Variants in ARL15 observed in about 807,000 individuals in gnomAD.
The protein encoded by ARL15 is ADP-ribosylation factor-like protein 15.
ARL15 carries 19 observed loss-of-function variants against 25.2 expected under a neutral mutation model. The ratio of observed to expected loss-of-function variants is 0.75; its 90% CI spans 0.53 to 1.10. ARL15 has a LOEUF of 1.10. Among genes scored for constraint, ARL15 ranks in the 50% least tolerant of loss-of-function variants. The probability of loss-of-function intolerance (pLI) is 0.00; values close to 1 mark genes in which losing one functional copy is unlikely to be tolerated. For missense variants in ARL15, 220 were observed against 246.0 expected (o/e 0.89, Z 0.71); for synonymous variants, 94 against 86.8 (o/e 1.08, Z -0.46).
rs181551123 is a variant in ARL15, at chr5:54,138,436, T to C, written c.253+16144A>G. ...TAAATTGAGAAAAGGACATCTTATT[T>C]AATAAACGGTGCTGGAAAACAAGAT... On this transcript the variant is annotated intron_variant, in intron 3 of 4. Coordinates refer to ENST00000504924, the MANE Select transcript of ARL15 (RefSeq NM_019087.3). 1.9e-3 allele frequency among the ~76,000 whole-genome samples: 286 copies of C among 152,288 alleles called. 2 individuals carry two copies. The highest frequency in any genetic ancestry group is 8.2e-3 in the Admixed American group (125 of 15,294).
intron 4 of ARL15, among the ~76,000 whole-genome samples, chr5:54,028,320 A>G (rs1397981805): frequency 1.3e-5 from 2 of 152,118 alleles, no homozygotes; most frequent in Non-Finnish European, 2.9e-5. Context: ...ATTATTTTCA[A>G]TCTGCCCCAC....
Position 54,217,559 on chromosome 5 carries a change from A to C in ARL15, c.49-45631T>G, listed in dbSNP as rs182979648. ...AACTGTAGAGATATTAGCTTTCTTC[A>C]TCTACAAGTTAGTTGTATATGCCAA... On this transcript the variant is annotated intron_variant, in intron 1 of 4. Coordinates refer to ENST00000504924, the MANE Select transcript of ARL15 (RefSeq NM_019087.3). Among the ~76,000 whole-genome samples the C allele has an allele frequency of 2.6e-5, 4 of 152,304 alleles. No homozygotes were observed. In the East Asian group the frequency reaches 7.7e-4, roughly 29 times the overall value.
chr5:54,181,042 A>G (rs997546003), intron 1 of ARL15, among the ~76,000 whole-genome samples: 19 of 152,190 alleles, frequency 1.2e-4, no homozygotes, highest in Non-Finnish European at 1.2e-4. Context: ...AGATGAACCA[A>G]AAGTGAGATT....
chr5:54,300,525 T>A (rs561123055), intron 1 of ARL15, among the ~76,000 whole-genome samples: 6 of 152,330 alleles, frequency 3.9e-5, no homozygotes, highest in Non-Finnish European at 8.8e-5. Flanking sequence ...CAAACCCCGA[T>A]TCACGAGTAA....
At chr5:53,912,229 C>T (rs1373069072) in intron 4 of ARL15, 1 of 151,950 alleles carries the variant, frequency 6.6e-6, no homozygotes, top group Non-Finnish European at 1.5e-5. Context: ...GCTAGGACAC[C>T]GAAGCTTAGA....
At position 54,158,935 on chromosome 5, in the gene ARL15, C is replaced by T. The variant is rs190180529; in HGVS notation, c.194-4296G>A. On this transcript the variant is annotated intron_variant, in intron 2 of 4. Coordinates refer to ENST00000504924, the MANE Select transcript of ARL15 (RefSeq NM_019087.3). ...CAGGTCTCATCACCAGAGCCCTACA[C>T]TACACTGTAGTGTCTCCTCCATATA... Among the ~76,000 whole-genome samples, 213 of 152,274 alleles carry T rather than the reference C, an allele frequency of 1.4e-3. 2 individuals carry two copies. Among genetic ancestry groups the T allele is most frequent in the Admixed American group, 7.4e-3 (114 of 15,312 alleles).
chr5:53,945,582 G>A (rs1286554223), intron 4 of ARL15, among the ~76,000 whole-genome samples: 1 of 152,018 alleles, frequency 6.6e-6, no homozygotes, highest in East Asian at 1.9e-4. Context: ...ACATTTGAAT[G>A]AAAATTCCAA....
intron 4 of ARL15, among the ~76,000 whole-genome samples, chr5:54,081,755 C>G (rs942404398): frequency 2.6e-5 from 4 of 152,158 alleles, no homozygotes; most frequent in African/African-American, 9.7e-5. Context: ...AATTAAACCT[C>G]TTTCCTTTAT....
rs1579884575 is a variant in ARL15 at position 54,183,705 on chromosome 5, A to T, written c.49-11777T>A. Among the ~76,000 whole-genome samples, 3 of 149,322 alleles carry T rather than the reference A, an allele frequency of 2.0e-5. No individual in the cohort carries two copies. In the East Asian group the frequency reaches 6.1e-4, roughly 30 times the overall value. On this transcript the variant is annotated intron_variant, in intron 1 of 4. Transcript: ENST00000504924. Reference sequence around the variant, plus strand: ...AAGTCAGTGTGGCGATACCTCAGGGATCTAGAACTAGAAATACCATTTGAC... The same window carrying T: ...AAGTCAGTGTGGCGATACCTCAGGGTTCTAGAACTAGAAATACCATTTGAC...
chr5:54,292,107 C>T (rs539561475), intron 1 of ARL15, among the ~76,000 whole-genome samples: 11 of 152,288 alleles, frequency 7.2e-5, no homozygotes, highest in African/African-American at 2.4e-4. Context: ...ACTTTTGTCC[C>T]CAGGGACTCA....
intron 2 of ARL15, among the ~76,000 whole-genome samples, chr5:54,164,315 T>G (rs751798699): frequency 6.6e-6 from 1 of 152,092 alleles, no homozygotes; most frequent in Non-Finnish European, 1.5e-5. Flanking sequence ...AAATATTCTA[T>G]GTGTACTTGA....
chr5:54,175,452 G>A (rs1447471788), intron 1 of ARL15, among the ~76,000 whole-genome samples: 1 of 151,316 alleles, frequency 6.6e-6, no homozygotes, highest in African/African-American at 2.4e-5. Context: ...CTCGTGCCTC[G>A]GCTTCCTGAG....
rs781683502 is a variant in ARL15, at chr5:54,310,525, A to AT, written c.-47_-46insA. 7.0e-6 allele frequency: 11 copies of AT among 1,567,980 alleles called. No individual in the cohort carries two copies. Among genetic ancestry groups the AT allele is most frequent in the Non-Finnish European group, 8.6e-6 (10 of 1,157,718 alleles). Reference sequence around the variant, plus strand: ...GAACGGCTCCGAACCCGGAAAAAAAAAGCAGCGTCTCTGGCTGCGAGCGAG... The same window carrying AT: ...GAACGGCTCCGAACCCGGAAAAAAAATAGCAGCGTCTCTGGCTGCGAGCGAG... On this transcript the variant is annotated 5_prime_UTR_variant, in exon 1 of 5. Coordinates refer to ENST00000504924, the MANE Select transcript of ARL15 (RefSeq NM_019087.3).
At chr5:54,077,703 C>T (rs568451596) in intron 4 of ARL15, among the ~76,000 whole-genome samples, 26 of 152,244 alleles carry the variant, frequency 1.7e-4, no homozygotes, top group African/African-American at 5.3e-4. Flanking sequence ...ATAGGTAAGT[C>T]GCGTCAGTCT....
chr5:54,234,267 A>C (rs532199658), intron 1 of ARL15, among the ~76,000 whole-genome samples: 64 of 152,250 alleles, frequency 4.2e-4, no homozygotes, highest in Admixed American at 1.2e-3. Context: ...CTGGGATTAC[A>C]GGCTTGAGCC....
chr5:54,246,035 G>A (rs1757078448), intron 1 of ARL15, among the ~76,000 whole-genome samples: 1 of 152,010 alleles, frequency 6.6e-6, no homozygotes, highest in Admixed American at 6.5e-5. Context: ...ATCCACCCAG[G>A]GGAAGTGTCA....
chr5:53,903,233 T>C (rs1046247095), intron 4 of ARL15, among the ~76,000 whole-genome samples: 1 of 152,224 alleles, frequency 6.6e-6, no homozygotes, highest in Non-Finnish European at 1.5e-5. Flanking sequence ...AGCCATTGAC[T>C]GGGATTTACC....
At chr5:53,922,573 T>C (rs1398916837) in intron 4 of ARL15, among the ~76,000 whole-genome samples, 1 of 152,188 alleles carries the variant, frequency 6.6e-6, no homozygotes, top group East Asian at 1.9e-4. Context: ...GTAGTGCAGT[T>C]CTAGAGGCTC....
chr5:54,290,992 TA>T (rs956411679), intron 1 of ARL15, among the ~76,000 whole-genome samples: 6 of 152,228 alleles, frequency 3.9e-5, no homozygotes, highest in Admixed American at 3.3e-4. Context: ...AGTACTTCTA[TA>T]TTAACTTACA....
Sources: gnomAD v4.1 joint callset for allele counts (sites outside exome capture counted in the v4.1 genomes callset) on GRCh38, gnomAD v4.1.1 for gene constraint, MANE v1.5 for transcripts, NCBI Gene and HGNC (gene_info 2026-07-23, HGNC 2026-07-21) for gene names.